Variants in SP3 observed in about 807,000 individuals in gnomAD.
SP3 encodes the protein Sp3 transcription factor.
SP3 carries 10 observed loss-of-function variants against 70.3 expected under a neutral mutation model. That is an observed-to-expected ratio of 0.14 (90% CI 0.09 to 0.24). SP3 has a LOEUF of 0.24. SP3 is among the 10% of genes least tolerant of loss of function. The probability of loss-of-function intolerance (pLI) is 1.00; values close to 1 mark genes in which losing one functional copy is unlikely to be tolerated. For missense variants in SP3, 825 were observed against 914.6 expected, an observed-to-expected ratio of 0.90 and a Z score of 1.26; for synonymous variants, 402 against 333.5, an observed-to-expected ratio of 1.21 and a Z score of -2.24.
At chr2:173,949,014 A>G (rs1389155827) in intron 4 of SP3, among the ~76,000 whole-genome samples, 2 of 152,284 alleles carry the variant, frequency 1.3e-5, no homozygotes, top group South Asian at 2.1e-4. Flanking sequence ...CAACAGTGTA[A>G]AAGTCTTACA....
chr2:173,911,816 T>G (rs1689492720), intron 6 of SP3, among the ~76,000 whole-genome samples: 2 of 57,928 alleles, frequency 3.5e-5, no homozygotes, highest in African/African-American at 1.0e-4. Context: ...TATCTACCTT[T>G]TTTTTTTTTT....
chr2:173,949,284 AT>A (rs1690640631), intron 4 of SP3, among the ~76,000 whole-genome samples: 1 of 152,154 alleles, frequency 6.6e-6, no homozygotes, highest in African/African-American at 2.4e-5. Flanking sequence ...AGAATCACAA[AT>A]AAAAATGTTT....
intron 5 of SP3, chr2:173,916,165 AAT>A (rs913573485): frequency 2.6e-5 from 4 of 152,092 alleles, no homozygotes; most frequent in Non-Finnish European, 5.9e-5. Context: ...TCTAAGAAAC[AAT>A]ATAGTTTCTT....
In SP3 at chr2:173,920,097, C is replaced by T. The variant is rs1167154219; in HGVS notation, c.1640-1312G>A. On this transcript the variant is annotated intron_variant, in intron 4 of 6. Transcript: ENST00000310015. ...CGAACAAAAGAAGCCCCCCCGCACC[C>T]CCTATGTATTCCCTTTATATACAGG... Among the ~76,000 whole-genome samples, 4 of 152,160 alleles carry T rather than the reference C, an allele frequency of 2.6e-5. No individual in the cohort carries two copies. In the East Asian group the frequency reaches 7.7e-4, roughly 29 times the overall value.
rs190363633 is a variant in SP3, at chr2:173,961,610, A to C, written c.279+2151T>G. Among the ~76,000 whole-genome samples the C allele has an allele frequency of 2.5e-3, 387 of 152,348 alleles. 4 individuals carry two copies. Among genetic ancestry groups the C allele is most frequent in the Non-Finnish European group, 4.5e-3 (303 of 68,026 alleles). On this transcript the variant is annotated intron_variant, in intron 3 of 6. Coordinates refer to ENST00000310015, the MANE Select transcript of SP3 (RefSeq NM_003111.5). The stretch of plus-strand genomic sequence containing the variant: ...CATTAGGGGAAGCTGGATGAAGGGT[A>C]TGAGATTACTCAGTTCTGTATTTCC...
rs3045251 is a variant in SP3 at position 173,939,764 on chromosome 2, CAAA to C, written c.1639+15106_1639+15108del. ...TGAGCAACAGAGCAAGACTCCAACT[CAAA>C]AAAAAAAAAAAAAAAGTTACACTGA... On this transcript the variant is annotated intron_variant, in intron 4 of 6. Transcript: ENST00000310015. Among the ~76,000 whole-genome samples the C allele has an allele frequency of 2.8e-4, 20 of 70,198 alleles. No homozygotes were observed. The East Asian group carries it at 3.3e-3, about 12-fold the overall frequency. The allele number at this position is 70,198 out of a possible 152,430, so 46.1% of individuals were successfully genotyped here.
At position 173,947,335 on chromosome 2, in the gene SP3, TGG is replaced by T. The variant is rs1690575108; in HGVS notation, c.1639+7536_1639+7537del. 6.6e-5 allele frequency among the ~76,000 whole-genome samples: 10 copies of T among 152,330 alleles called. No homozygotes were observed. The South Asian group carries it at 2.1e-3, about 32-fold the overall frequency. On this transcript the variant is annotated intron_variant, in intron 4 of 6. Transcript: ENST00000310015. ...CGTTCATTATCTCTGTGTGGTATTC[TGG>T]GTAAATTCCTAAGCATATTACTATT...
At position 173,906,901 on chromosome 2, in the gene SP3, A is replaced by G. The variant is rs1273149526; in HGVS notation, c.*3040T>C. 1.3e-5 allele frequency: 2 copies of G among 152,208 alleles called. No homozygotes were observed. The highest frequency in any genetic ancestry group is 1.5e-5 in the Non-Finnish European group (1 of 68,022). The allele number at this position is 152,208 out of a possible 1,614,324, so 9.4% of individuals were successfully genotyped here. On this transcript the variant is annotated 3_prime_UTR_variant, in exon 7 of 7. Coordinates refer to ENST00000310015, the MANE Select transcript of SP3 (RefSeq NM_003111.5). ...TCTAAAATGCTCCCCAGCAATTTCTAATGAACAATACTGTTTAAGAACTAT... is the reference window on the plus strand; with the variant it reads ...TCTAAAATGCTCCCCAGCAATTTCTGATGAACAATACTGTTTAAGAACTAT...
chr2:173,954,163 C>G (rs118053261), intron 4 of SP3, among the ~76,000 whole-genome samples: 1 of 152,182 alleles, frequency 6.6e-6, no homozygotes, highest in African/African-American at 2.4e-5. Flanking sequence ...GTTATCTAGA[C>G]AGACAACATT....
At position 173,902,867 on chromosome 2, in the gene SP3, G is replaced by T. The variant is rs1413000270; in HGVS notation, c.*7074C>A. Among the ~76,000 whole-genome samples the T allele has an allele frequency of 6.6e-6, 1 of 152,170 alleles. No homozygotes were observed. The highest frequency in any genetic ancestry group is 1.5e-5 in the Non-Finnish European group (1 of 68,030). ...CTTATGTGGGTAAAGGGAGACAAAT[G>T]AAATGAGACAGGGCTATACAGATTT... On this transcript the variant is annotated 3_prime_UTR_variant, in exon 7 of 7. Transcript: ENST00000310015.
intron 4 of SP3, among the ~76,000 whole-genome samples, chr2:173,923,595 A>G (rs1689820057): frequency 6.6e-6 from 1 of 152,178 alleles, no homozygotes. Context: ...CTTAATTTAA[A>G]TAGCTAACAT....
intron 4 of SP3, among the ~76,000 whole-genome samples, chr2:173,926,177 T>A (rs1476304152): frequency 6.6e-6 from 1 of 152,166 alleles, no homozygotes; most frequent in African/African-American, 2.4e-5. Flanking sequence ...AATCTAAACA[T>A]TGTATCACAA....
chr2:173,955,101 C>T lies in SP3; in HGVS notation c.1411G>A (p.Val471Ile). 6.2e-7 allele frequency: 1 copy of T among 1,614,162 alleles called. No homozygotes were observed. The highest frequency in any genetic ancestry group is 8.5e-7 in the Non-Finnish European group (1 of 1,180,028). The change falls in exon 4 of 7, where the codon GTC (valine) becomes ATC (isoleucine). Residue 471 changes from valine to isoleucine, a missense_variant. By Grantham distance (29) the Val-to-Ile change is conservative. This residue lies in a region of SP3 where 678 missense variants were observed against 651.6 expected (regional missense o/e 1.04). Coordinates refer to ENST00000310015, the MANE Select transcript of SP3 (RefSeq NM_003111.5). ...VTWQTFQVQG[V>I]QNLQNLQIQN... is the part of the protein sequence containing the mutation. ...ATTTGCAAATTCTGCAAGTTCTGGACCCCTTGTACTTGAAACGTTTGCCAA... is the reference window on the plus strand; with the variant it reads ...ATTTGCAAATTCTGCAAGTTCTGGATCCCTTGTACTTGAAACGTTTGCCAA...
rs1689537302 is a variant in SP3, at chr2:173,913,218, T to A, written c.1881A>T (p.Gly627=). 1.9e-6 allele frequency: 3 copies of A among 1,609,554 alleles called. No homozygotes were observed. Among genetic ancestry groups the A allele is most frequent in the Non-Finnish European group, 2.5e-6 (3 of 1,177,554 alleles). The change falls in exon 6 of 7, where the codon GGA becomes GGT. Residue 627 remains glycine, a synonymous_variant. Coordinates refer to ENST00000310015, the MANE Select transcript of SP3 (RefSeq NM_003111.5). ...AGGTCTTCCCATAGACTTTACCACA[T>A]CCTGGTATATGACAAATGTGTTGCT... ...KKKQHICHIP[G]CGKVYGKTSH... is the part of the protein sequence containing the mutation.
intron 3 of SP3, among the ~76,000 whole-genome samples, chr2:173,961,588 T>C (rs1448263316): frequency 6.6e-6 from 1 of 152,210 alleles, no homozygotes; most frequent in African/African-American, 2.4e-5. Context: ...ATCCTAACAT[T>C]AGGGGAAGCT....
chr2:173,904,118 C>T lies in SP3; in HGVS notation c.*5823G>A, dbSNP rs191930292. On this transcript the variant is annotated 3_prime_UTR_variant, in exon 7 of 7. Transcript: ENST00000310015. ...CGGGGTTCACAACGGGGTTCGCACT[C>T]CTATGAGAATCTAATGTTGTGGCTC... Among the ~76,000 whole-genome samples the T allele has an allele frequency of 1.3e-5, 2 of 152,248 alleles. No homozygotes were observed. Among genetic ancestry groups the T allele is most frequent in the East Asian group, 3.9e-4 (2 of 5,172 alleles).
intron 4 of SP3, 56 bp downstream of exon 4, chr2:173,954,817 T>C: frequency 2.0e-6 from 3 of 1,525,830 alleles, no homozygotes; most frequent in Non-Finnish European, 2.7e-6. Flanking sequence ...GCAAAAAATT[T>C]CCCTCTATGT....
chr2:173,952,077 T>C (rs1026280097), intron 4 of SP3, among the ~76,000 whole-genome samples: 2 of 151,720 alleles, frequency 1.3e-5, no homozygotes, highest in Non-Finnish European at 2.9e-5. Context: ...CCAGTTTTTT[T>C]CCTTCACATG....
intron 4 of SP3, among the ~76,000 whole-genome samples, chr2:173,920,876 C>T (rs976542771): frequency 6.6e-6 from 1 of 152,178 alleles, no homozygotes; most frequent in African/African-American, 2.4e-5. Context: ...CAGGCATGAG[C>T]CACTGAGCCC....
Sources: gnomAD v4.1 joint callset for allele counts (sites outside exome capture counted in the v4.1 genomes callset) on GRCh38, gnomAD v4.1.1 for gene constraint, gnomAD v4.1.1 regional missense constraint, MANE v1.5 for transcripts, NCBI Gene and HGNC (gene_info 2026-07-23, HGNC 2026-07-21) for gene names.